SPATA16: variants seen among roughly 807,000 people sequenced by gnomAD.
SPATA16 encodes spermatogenesis associated 16.
SPATA16 carries 36 observed loss-of-function variants against 63.3 expected under a neutral mutation model. The ratio of observed to expected loss-of-function variants is 0.57; its 90% CI spans 0.44 to 0.75. SPATA16 has a LOEUF of 0.75. Among genes scored for constraint, SPATA16 ranks in the 30% least tolerant of loss-of-function variants. The pLI is 0.00. For synonymous variants in SPATA16, 203 were observed against 216.7 expected (o/e 0.94, Z 0.56); for missense variants, 646 against 679.3 (o/e 0.95, Z 0.54).
intron 6 of SPATA16, among the ~76,000 whole-genome samples, chr3:172,950,915 G>A (rs1293659720): frequency 6.6e-6 from 1 of 151,850 alleles, no homozygotes; most frequent in African/African-American, 2.4e-5. Flanking sequence ...TATTTATTTA[G>A]CAAATAAATC....
chr3:172,951,977 T>G (rs1253927502), intron 6 of SPATA16, among the ~76,000 whole-genome samples: 1 of 152,212 alleles, frequency 6.6e-6, no homozygotes, highest in Non-Finnish European at 1.5e-5. Context: ...ATTTAGAAAT[T>G]CTTACATATA....
chr3:173,030,229 G>A (rs986900120), intron 3 of SPATA16, among the ~76,000 whole-genome samples: 2 of 151,746 alleles, frequency 1.3e-5, no homozygotes, highest in African/African-American at 2.4e-5. Flanking sequence ...TAAACAAATC[G>A]GACTGTATCA....
At chr3:172,950,194 A>G (rs1333680246) in intron 6 of SPATA16, among the ~76,000 whole-genome samples, 3 of 152,220 alleles carry the variant, frequency 2.0e-5, no homozygotes, top group African/African-American at 7.2e-5. Flanking sequence ...TGGATGATGG[A>G]GACCAGAGGC....
chr3:173,071,284 A>G (rs764672709), intron 2 of SPATA16, among the ~76,000 whole-genome samples: 34 of 152,204 alleles, frequency 2.2e-4, no homozygotes, highest in African/African-American at 6.5e-4. Context: ...TTAGACTCCT[A>G]TCTCTTGCCA....
chr3:173,004,483 C>A (rs989264716), intron 4 of SPATA16, among the ~76,000 whole-genome samples: 2 of 151,732 alleles, frequency 1.3e-5, no homozygotes, highest in African/African-American at 4.8e-5. Context: ...TCTTGCTTGC[C>A]CCTCTCAACT....
intron 4 of SPATA16, among the ~76,000 whole-genome samples, chr3:173,014,350 G>A (rs1202339967): frequency 6.6e-6 from 1 of 152,158 alleles, no homozygotes; most frequent in Non-Finnish European, 1.5e-5. Flanking sequence ...ACCAAGTACT[G>A]CATGTTCTCA....
chr3:173,062,677 T>G (rs1736408995), intron 2 of SPATA16, among the ~76,000 whole-genome samples: 1 of 152,200 alleles, frequency 6.6e-6, no homozygotes, highest in African/African-American at 2.4e-5. Flanking sequence ...ATACTGCTTC[T>G]CAACTGGCCA....
At chr3:173,038,197 T>TA (rs1382408520) in intron 3 of SPATA16, among the ~76,000 whole-genome samples, 1 of 152,094 alleles carries the variant, frequency 6.6e-6, no homozygotes, top group African/African-American at 2.4e-5. Flanking sequence ...GTCTTTTTTT[T>TA]ATCTCCTCCA....
At chr3:172,961,708 T>G (rs1733789712) in intron 5 of SPATA16, among the ~76,000 whole-genome samples, 1 of 152,174 alleles carries the variant, frequency 6.6e-6, no homozygotes, top group Admixed American at 6.5e-5. Context: ...AAGGACTTAT[T>G]AAATGACTTT....
chr3:173,085,279 G>T (rs1230900299), intron 2 of SPATA16, among the ~76,000 whole-genome samples: 2 of 152,030 alleles, frequency 1.3e-5, no homozygotes, highest in Non-Finnish European at 1.5e-5. Flanking sequence ...TAGCAATTGT[G>T]AATGGGAGTG....
chr3:172,990,769 C>T (rs1734557701), intron 4 of SPATA16, among the ~76,000 whole-genome samples: 1 of 152,168 alleles, frequency 6.6e-6, no homozygotes, highest in Admixed American at 6.6e-5. Context: ...AACTAGTCCA[C>T]TTCTAAGAGA....
chr3:173,055,042 G>A (rs1475557077), intron 2 of SPATA16, among the ~76,000 whole-genome samples: 2 of 152,196 alleles, frequency 1.3e-5, no homozygotes, highest in African/African-American at 4.8e-5. Flanking sequence ...AAAAATGTTT[G>A]ATGTTATTCA....
At chr3:172,907,208 A>C (rs16846249) in intron 10 of SPATA16, among the ~76,000 whole-genome samples, 14,844 of 152,196 alleles carry the variant, frequency 0.098, 827 homozygotes, top group African/African-American at 0.15. Flanking sequence ...TGTGACAGAC[A>C]CAGGTCCCCA....
At chr3:172,987,520 A>G (rs74530871) in intron 4 of SPATA16, among the ~76,000 whole-genome samples, 2,497 of 152,320 alleles carry the variant, frequency 0.016, 32 homozygotes, top group South Asian at 0.029. Context: ...TCTGGAATGT[A>G]TGGTTCTTCA....
intron 10 of SPATA16, among the ~76,000 whole-genome samples, chr3:172,893,731 G>A (rs543374394): frequency 6.6e-6 from 1 of 152,304 alleles, no homozygotes; most frequent in African/African-American, 2.4e-5. Context: ...TATACCTTGG[G>A]AACCAGGCTT....
chr3:173,018,194 C>T (rs534754290), intron 4 of SPATA16, among the ~76,000 whole-genome samples: 2 of 152,082 alleles, frequency 1.3e-5, no homozygotes, highest in East Asian at 3.9e-4. Flanking sequence ...ACTCTGCTTT[C>T]CATATCTATT....
intron 5 of SPATA16, among the ~76,000 whole-genome samples, chr3:172,963,372 G>A (rs1472915896): frequency 6.6e-6 from 1 of 151,956 alleles, no homozygotes; most frequent in Non-Finnish European, 1.5e-5. Context: ...GTTACTTGTA[G>A]CAAGGGAAAT....
chr3:173,119,390 C>G (rs1420363163), intron 1 of SPATA16, among the ~76,000 whole-genome samples: 1 of 152,198 alleles, frequency 6.6e-6, no homozygotes, highest in Admixed American at 6.5e-5. Context: ...AGAACCATAA[C>G]TGTTCCTATG....
At chr3:173,090,988 T>G (rs942531703) in intron 2 of SPATA16, among the ~76,000 whole-genome samples, 2 of 152,158 alleles carry the variant, frequency 1.3e-5, no homozygotes, top group African/African-American at 4.8e-5. Flanking sequence ...TAATGTTGGT[T>G]TCAGGCCTAT....
Sources: gnomAD v4.1 joint callset for allele counts (sites outside exome capture counted in the v4.1 genomes callset) on GRCh38, gnomAD v4.1.1 for gene constraint, MANE v1.5 for transcripts, NCBI Gene and HGNC (gene_info 2026-07-23, HGNC 2026-07-21) for gene names.